The following DLG2 variants were observed in gnomAD, a reference collection of about 807,000 sequenced individuals.
DLG2 encodes the protein disks large homolog 2.
In DLG2, 45 loss-of-function variants were observed where a neutral mutation model predicts 132.5. That is an observed-to-expected ratio of 0.34 (90% confidence interval 0.27 to 0.44). The LOEUF (loss-of-function observed/expected upper bound fraction) is 0.44, where lower values mean the gene tolerates loss of function less well. Ranked by LOEUF, DLG2 falls within the 20% of genes least tolerant of loss-of-function variation. The pLI is 1.00. For missense variants in DLG2, 1,045 were observed against 1,196.9 expected, an observed-to-expected ratio of 0.87 and a Z score of 1.87; for synonymous variants, 424 against 419.6, an observed-to-expected ratio of 1.01 and a Z score of -0.13.
chr11:85,615,005 T>G (rs1291710474), intron 2 of DLG2, among the ~76,000 whole-genome samples: 1 of 152,208 alleles, frequency 6.6e-6, no homozygotes, highest in Non-Finnish European at 1.5e-5. Flanking sequence ...CAATTATACT[T>G]TACCCTCCCT....
intron 10 of DLG2, among the ~76,000 whole-genome samples, chr11:84,096,254 T>TTG (rs143242289): frequency 0.039 from 5,823 of 150,372 alleles, 253 homozygotes; most frequent in African/African-American, 0.094. Context: ...AAGTAGAAGA[T>TTG]TGTGTGTGTG....
At chr11:83,991,291 C>G (rs1177467832) in intron 11 of DLG2, among the ~76,000 whole-genome samples, 3 of 152,180 alleles carry the variant, frequency 2.0e-5, no homozygotes, top group Non-Finnish European at 2.9e-5. Context: ...GCTTGAAGAA[C>G]TGCTCACAGG....
At chr11:84,749,266 T>C (rs1179742152) in intron 6 of DLG2, among the ~76,000 whole-genome samples, 2 of 152,130 alleles carry the variant, frequency 1.3e-5, no homozygotes, top group African/African-American at 4.8e-5. Flanking sequence ...ACAGTTACAG[T>C]GAAAACACAT....
chr11:85,479,237 G>A (rs2093225859), intron 3 of DLG2, among the ~76,000 whole-genome samples: 1 of 152,178 alleles, frequency 6.6e-6, no homozygotes, highest in South Asian at 2.1e-4. Context: ...CAGTTCTGGA[G>A]ACTGAGAAGT....
chr11:83,586,780 A>T (rs573510341), intron 19 of DLG2, among the ~76,000 whole-genome samples: 1 of 152,352 alleles, frequency 6.6e-6, no homozygotes, highest in African/African-American at 2.4e-5. Context: ...AGGAAATCTC[A>T]GAGCCAGGAC....
intron 8 of DLG2, among the ~76,000 whole-genome samples, chr11:84,170,758 AC>A (rs1376866911): frequency 6.6e-6 from 1 of 152,156 alleles, no homozygotes; most frequent in East Asian, 1.9e-4. Flanking sequence ...ATGCTAGGTA[AC>A]CTTGGGCTTG....
At chr11:83,611,372 T>C (rs1249264656) in intron 19 of DLG2, among the ~76,000 whole-genome samples, 2 of 152,160 alleles carry the variant, frequency 1.3e-5, no homozygotes, top group African/African-American at 4.8e-5. Context: ...GGCCATGCTG[T>C]TCGATAATTT....
At chr11:85,355,561 T>C (rs1163573707) in intron 3 of DLG2, among the ~76,000 whole-genome samples, 2 of 152,174 alleles carry the variant, frequency 1.3e-5, no homozygotes, top group African/African-American at 4.8e-5. Context: ...AACAGCTTTG[T>C]TGCTGATAAG....
At chr11:83,713,399 C>A (rs952962666) in intron 18 of DLG2, among the ~76,000 whole-genome samples, 4 of 152,098 alleles carry the variant, frequency 2.6e-5, no homozygotes, top group African/African-American at 7.2e-5. Flanking sequence ...AGTCGAAGAA[C>A]ATCAAAAACA....
chr11:83,946,315 T>G (rs577544721), intron 14 of DLG2, among the ~76,000 whole-genome samples: 1 of 152,210 alleles, frequency 6.6e-6, no homozygotes, highest in South Asian at 2.1e-4. Context: ...TTTTCTGAGG[T>G]CAAAGACACA....
chr11:84,263,262 G>T (rs1214430135), intron 7 of DLG2, among the ~76,000 whole-genome samples: 2 of 151,880 alleles, frequency 1.3e-5, no homozygotes, highest in African/African-American at 4.9e-5. Context: ...TTTTCATTCT[G>T]GGAAATGATC....
intron 7 of DLG2, among the ~76,000 whole-genome samples, chr11:84,329,598 G>C (rs1159797422): frequency 2.0e-5 from 3 of 152,136 alleles, no homozygotes. Context: ...AGTCAATTAA[G>C]CTTGTTTCCT....
chr11:84,792,389 T>C (rs1443856326), intron 6 of DLG2, among the ~76,000 whole-genome samples: 1 of 152,182 alleles, frequency 6.6e-6, no homozygotes, highest in African/African-American at 2.4e-5. Flanking sequence ...TAGTGTACAG[T>C]TTTATTGATG....
intron 6 of DLG2, among the ~76,000 whole-genome samples, chr11:84,825,124 G>A (rs1194551196): frequency 6.6e-6 from 1 of 151,788 alleles, no homozygotes; most frequent in African/African-American, 2.4e-5. Context: ...ATGTTTGGTG[G>A]GGAATCATCT....
chr11:85,592,858 T>A (rs1240987671), intron 3 of DLG2, among the ~76,000 whole-genome samples: 4 of 150,320 alleles, frequency 2.7e-5, no homozygotes, highest in Non-Finnish European at 4.4e-5. Context: ...GAGGCTGAGG[T>A]GGGAGGATTG....
At chr11:84,152,755 A>G (rs1378932946) in intron 9 of DLG2, among the ~76,000 whole-genome samples, 2 of 152,018 alleles carry the variant, frequency 1.3e-5, no homozygotes, top group Non-Finnish European at 2.9e-5. Context: ...GGTTGTCATT[A>G]TATGTAAGAC....
chr11:84,440,298 A>G (rs931978371), intron 7 of DLG2, among the ~76,000 whole-genome samples: 1 of 152,254 alleles, frequency 6.6e-6, no homozygotes, highest in East Asian at 1.9e-4. Flanking sequence ...AATGCTCAGT[A>G]AACAGTAGAT....
At chr11:83,731,875 G>C (rs1189749792) in intron 18 of DLG2, among the ~76,000 whole-genome samples, 1 of 152,146 alleles carries the variant, frequency 6.6e-6, no homozygotes, top group Non-Finnish European at 1.5e-5. Context: ...GAAAATAAGA[G>C]CTATACCACC....
intron 18 of DLG2, chr11:83,682,010 T>C (rs1341833851): frequency 2.0e-5 from 7 of 355,862 alleles, no homozygotes; most frequent in Non-Finnish European, 2.8e-5. Flanking sequence ...TCTTTTAAGC[T>C]ATTTTGCTCG....
Sources: allele counts gnomAD v4.1 joint callset (sites outside exome capture counted in the v4.1 genomes callset), GRCh38; gene constraint gnomAD v4.1.1; transcripts MANE v1.5; gene names NCBI Gene and HGNC (gene_info 2026-07-23, HGNC 2026-07-21).